The following NPIPB2 variants were observed in gnomAD, a reference collection of about 807,000 sequenced individuals.
NPIPB2 encodes the protein nuclear pore complex interacting protein family member B2, also known as nuclear pore complex-interacting protein family member B2.
In NPIPB2, 27 loss-of-function variants were observed where a neutral mutation model predicts 30.8. The observed-to-expected ratio is 0.88, with a 90% CI of 0.65 to 1.21. The LOEUF (loss-of-function observed/expected upper bound fraction) is 1.21, where lower values mean the gene tolerates loss of function less well. Ranked by LOEUF, NPIPB2 falls within the 50% of genes most tolerant of loss-of-function variation. The pLI is 0.00. For synonymous variants in NPIPB2, 147 were observed against 162.0 expected (o/e 0.91, Z 0.70); for missense variants, 440 against 446.2 (o/e 0.99, Z 0.13).
chr16:11,933,406 C>T (rs1380472670), intron 4 of NPIPB2, 111 bp downstream of exon 4: 1 of 1,494,386 alleles, frequency 6.7e-7, no homozygotes, highest in South Asian at 1.2e-5. Flanking sequence ...AATTTTGAAC[C>T]CACTGAATTT....
intron 1 of NPIPB2, chr16:11,941,214 G>T: frequency 6.5e-7 from 1 of 1,528,244 alleles, no homozygotes; most frequent in South Asian, 1.2e-5. Flanking sequence ...GCCAAAAGAG[G>T]AGCCAAAAGA....
At chr16:11,965,303 C>A in intron 1 of NPIPB2, 1 of 1,613,758 alleles carries the variant, frequency 6.2e-7, no homozygotes, top group Non-Finnish European at 8.5e-7. Flanking sequence ...TTCTGTAGCT[C>A]CCTTGTTTTC....
chr16:11,942,254 A>C (rs1326075295), upstream of NPIPB2: 2 of 599,800 alleles, frequency 3.3e-6, no homozygotes, highest in African/African-American at 3.8e-5. Context: ...TTCTGATCAT[A>C]TAACTGTGCT....
At position 11,947,322 on chromosome 16, in the gene NPIPB2, T is replaced by TTATA. The variant is rs1555509075; in HGVS notation, c.-583-5212_-583-5209dup. 6.6e-3 allele frequency among the ~76,000 whole-genome samples: 796 copies of TTATA among 119,920 alleles called. 12 individuals are homozygous for TTATA. The highest frequency in any genetic ancestry group is 0.059 in the East Asian group (270 of 4,606). 78.7% of individuals were successfully genotyped at this position (119,920 alleles called of 152,430 possible). ...TTTATTTATTTATTTATTTATTTATTTATATATATATATATTTATTTATTT... is the reference window on the plus strand; with the variant it reads ...TTTATTTATTTATTTATTTATTTATTTATATATATATATATATATTTATTTATTT... On this transcript the variant is annotated intron_variant, in intron 1 of 5. Transcript: ENST00000538896.
intron 1 of NPIPB2, among the ~76,000 whole-genome samples, chr16:11,959,777 T>A (rs922251277): frequency 3.0e-4 from 45 of 152,194 alleles, no homozygotes; most frequent in East Asian, 1.9e-4. Context: ...TTTATTTTTT[T>A]AAATTTTATT....
intron 1 of NPIPB2, among the ~76,000 whole-genome samples, chr16:11,969,193 C>T (rs1181031643): frequency 2.6e-5 from 4 of 151,804 alleles, no homozygotes; most frequent in African/African-American, 9.7e-5. Flanking sequence ...ATGGTTAGGG[C>T]GCTTCTCTCC....
chr16:11,946,164 T>C (rs1242508597), upstream of NPIPB2, among the ~76,000 whole-genome samples: 2 of 151,888 alleles, frequency 1.3e-5, no homozygotes, highest in Non-Finnish European at 2.9e-5. Context: ...AGCGGGCAGA[T>C]CGCCTGAGGT....
chr16:11,952,778 C>T (rs1306782249), intron 1 of NPIPB2, among the ~76,000 whole-genome samples: 1 of 151,918 alleles, frequency 6.6e-6, no homozygotes, highest in Admixed American at 6.6e-5. Flanking sequence ...GTTGGCCAGG[C>T]TGGTCTCGAA....
rs145920596 is a variant in NPIPB2, at chr16:11,965,917, C to G, written c.-584+10651G>C. Among the ~76,000 whole-genome samples the G allele has an allele frequency of 2.0e-3, 311 of 152,198 alleles. 1 individual carries two copies. The highest frequency in any genetic ancestry group is 7.2e-3 in the African/African-American group (299 of 41,528). ...CTGAGGTCGGCAGTTTGAGGCCAGC[C>G]TGGCCAACCTGGTGAAACCCTGTCT... On this transcript the variant is annotated intron_variant, in intron 1 of 5. Coordinates refer to the NPIPB2 transcript ENST00000538896.
intron 1 of NPIPB2, among the ~76,000 whole-genome samples, chr16:11,971,752 C>G (rs749399002): frequency 1.3e-5 from 2 of 152,064 alleles, no homozygotes; most frequent in Admixed American, 1.3e-4. Flanking sequence ...TCCTCAGCCT[C>G]GCAAAGTGCT....
upstream of NPIPB2, among the ~76,000 whole-genome samples, chr16:11,944,772 A>G (rs1310385886): frequency 6.6e-6 from 1 of 151,226 alleles, no homozygotes; most frequent in Non-Finnish European, 1.5e-5. Flanking sequence ...TGGAACAGAA[A>G]ACAAAACAAA....
intron 1 of NPIPB2, among the ~76,000 whole-genome samples, chr16:11,962,234 C>G (rs1197768720): frequency 6.9e-6 from 1 of 144,708 alleles, no homozygotes; most frequent in African/African-American, 2.5e-5. Context: ...GGTGCGGTGG[C>G]TTGCACCTGT....
At chr16:11,933,655 T>G in exon 4 of NPIPB2, 2 of 1,596,900 alleles carry the variant, frequency 1.3e-6, no homozygotes, top group Non-Finnish European at 1.7e-6. Flanking sequence ...CAGGCCAATT[T>G]TATTTCCTGG....
intron 1 of NPIPB2, chr16:11,966,053 G>C: frequency 1.5e-6 from 1 of 688,256 alleles, no homozygotes; most frequent in South Asian, 3.2e-5. Context: ...GGAGGTTGCA[G>C]TGAGCCGAGA....
At chr16:11,927,429 C>G in exon 8 of NPIPB2, 3 of 1,177,256 alleles carry the variant, frequency 2.5e-6, no homozygotes, top group Non-Finnish European at 3.7e-6. Context: ...CTCTTGGGCT[C>G]GGGTGATGAT....
intron 1 of NPIPB2, chr16:11,941,231 AC>A: frequency 6.6e-7 from 1 of 1,519,972 alleles, no homozygotes; most frequent in Non-Finnish European, 8.8e-7. Flanking sequence ...AAGAGCATCC[AC>A]AGCACCCGCA....
At chr16:11,952,569 T>G (rs1318209966) in intron 1 of NPIPB2, among the ~76,000 whole-genome samples, 3 of 147,372 alleles carry the variant, frequency 2.0e-5, no homozygotes, top group Admixed American at 2.0e-4. Flanking sequence ...CTTTCTCTTT[T>G]TTTTTTTTTT....
intron 4 of NPIPB2, among the ~76,000 whole-genome samples, chr16:11,932,948 A>C (rs1461934861): frequency 6.7e-6 from 1 of 148,534 alleles, no homozygotes; most frequent in African/African-American, 2.5e-5. Flanking sequence ...ACAGAGCGAG[A>C]CTCTATCTCA....
chr16:11,957,110 A>G (rs992567385), intron 1 of NPIPB2, among the ~76,000 whole-genome samples: 1 of 151,428 alleles, frequency 6.6e-6, no homozygotes, highest in African/African-American at 2.4e-5. Context: ...CTCCTGCCTC[A>G]GCCTCCAAGT....
Sources: allele counts gnomAD v4.1 joint callset (sites outside exome capture counted in the v4.1 genomes callset), GRCh38; gene constraint gnomAD v4.1.1; transcripts MANE v1.5; gene names NCBI Gene and HGNC (gene_info 2026-07-23, HGNC 2026-07-21).